Variants in PTPRD observed in about 807,000 individuals in gnomAD.
The protein encoded by PTPRD is protein tyrosine phosphatase receptor type D, also known as receptor-type tyrosine-protein phosphatase delta.
In PTPRD, 34 loss-of-function variants were observed where a neutral mutation model predicts 214.5. That is an observed-to-expected ratio of 0.16 (90% CI 0.12 to 0.21). PTPRD has a LOEUF of 0.21. Among genes scored for constraint, PTPRD ranks in the 10% least tolerant of loss-of-function variants. PTPRD has a pLI of 1.00. For missense variants in PTPRD, 2,545 were observed against 2,398.7 expected (o/e 1.06, Z -1.27); for synonymous variants, 1,128 against 845.7 (o/e 1.33, Z -5.79).
intron 6 of PTPRD, among the ~76,000 whole-genome samples, chr9:9,751,664 C>T (rs1358123263): frequency 6.6e-6 from 1 of 151,998 alleles, no homozygotes; most frequent in Non-Finnish European, 1.5e-5. Flanking sequence ...GTACAAACAT[C>T]ATGTGAAGAT....
chr9:9,266,036 T>A (rs1939401514), intron 9 of PTPRD, among the ~76,000 whole-genome samples: 1 of 151,442 alleles, frequency 6.6e-6, no homozygotes, highest in South Asian at 2.1e-4. Context: ...AATAGATTGA[T>A]AAAGATATTG....
intron 5 of PTPRD, among the ~76,000 whole-genome samples, chr9:9,777,167 C>A (rs1283242889): frequency 6.6e-6 from 1 of 152,132 alleles, no homozygotes; most frequent in Non-Finnish European, 1.5e-5. Flanking sequence ...TACCTCTGGT[C>A]CTCAGATGTT....
intron 11 of PTPRD, among the ~76,000 whole-genome samples, chr9:8,851,751 C>A (rs896213058): frequency 6.6e-6 from 1 of 152,062 alleles, no homozygotes; most frequent in African/African-American, 2.4e-5. Flanking sequence ...TTCATTCCCT[C>A]CATTTTACAG....
chr9:9,689,980 C>T (rs1466521812), intron 7 of PTPRD, among the ~76,000 whole-genome samples: 1 of 151,426 alleles, frequency 6.6e-6, no homozygotes, highest in Non-Finnish European at 1.5e-5. Flanking sequence ...GTATTGATTT[C>T]CTTTCTTTTG....
At chr9:8,764,692 G>C (rs1190444239) in intron 11 of PTPRD, among the ~76,000 whole-genome samples, 1 of 151,970 alleles carries the variant, frequency 6.6e-6, no homozygotes, top group Admixed American at 6.6e-5. Context: ...CTACTCAGGA[G>C]GCTGAGGCAG....
At position 10,395,027 on chromosome 9, in the gene PTPRD, G is replaced by T. The variant is rs552331860; in HGVS notation, c.-599-54010C>A. ...TGCTGCCTGCACTTTATCAATAAAC[G>T]TGTGCTCTCCTACCGCTTGGTAAAT... On this transcript the variant is annotated intron_variant, in intron 2 of 45. Transcript: ENST00000381196. 8.9e-5 allele frequency among the ~76,000 whole-genome samples: 13 copies of T among 145,612 alleles called. No homozygotes were observed. The South Asian group carries it at 2.8e-3, about 31-fold the overall frequency.
Position 9,475,800 on chromosome 9 carries a change from T to A in PTPRD, c.-236-78318A>T, listed in dbSNP as rs12344299. 1.0e-2 allele frequency among the ~76,000 whole-genome samples: 1,521 copies of A among 152,324 alleles called. 18 individuals carry two copies. The highest frequency in any genetic ancestry group is 0.033 in the African/African-American group (1,392 of 41,574). Reference sequence around the variant, plus strand: ...AGGTCACTAAGTCTTGTGTGTGACTTGGCAATCTGAAGTTTCAGCACATAT... The same window carrying A: ...AGGTCACTAAGTCTTGTGTGTGACTAGGCAATCTGAAGTTTCAGCACATAT... On this transcript the variant is annotated intron_variant, in intron 8 of 45. Coordinates refer to ENST00000381196, the MANE Select transcript of PTPRD (RefSeq NM_002839.4).
intron 3 of PTPRD, among the ~76,000 whole-genome samples, chr9:10,211,635 A>T (rs1199570222): frequency 1.3e-5 from 2 of 152,294 alleles, no homozygotes; most frequent in African/African-American, 4.8e-5. Context: ...GAAATTACAT[A>T]ATGTCTTTTG....
At chr9:8,662,139 T>C (rs1181768924) in intron 12 of PTPRD, among the ~76,000 whole-genome samples, 1 of 152,186 alleles carries the variant, frequency 6.6e-6, no homozygotes, top group Non-Finnish European at 1.5e-5. Context: ...CAATAACTTA[T>C]GAGGATTTGA....
At chr9:9,094,880 A>G (rs1260959363) in intron 10 of PTPRD, among the ~76,000 whole-genome samples, 1 of 152,156 alleles carries the variant, frequency 6.6e-6, no homozygotes. Flanking sequence ...AGGAAAATAA[A>G]TCTTTAAACC....
At chr9:9,414,950 T>C (rs1437048627) in intron 8 of PTPRD, 1 of 152,236 alleles carries the variant, frequency 6.6e-6, no homozygotes, top group Non-Finnish European at 1.5e-5. Flanking sequence ...GCTCTGACTT[T>C]AGAAGGGCCA....
chr9:10,470,165 G>A (rs1474330995), intron 2 of PTPRD, among the ~76,000 whole-genome samples: 4 of 152,040 alleles, frequency 2.6e-5, no homozygotes, highest in Non-Finnish European at 5.9e-5. Flanking sequence ...GGTAATGGAT[G>A]TGCTAAATAC....
intron 10 of PTPRD, among the ~76,000 whole-genome samples, chr9:9,123,967 G>A (rs1188992738): frequency 6.6e-6 from 1 of 151,936 alleles, no homozygotes; most frequent in African/African-American, 2.4e-5. Context: ...ATTGACCAGT[G>A]GGCAGCTATT....
At chr9:10,049,118 G>A (rs776197072) in intron 3 of PTPRD, among the ~76,000 whole-genome samples, 3 of 152,086 alleles carry the variant, frequency 2.0e-5, no homozygotes, top group Non-Finnish European at 2.9e-5. Context: ...GAGAAAAAAA[G>A]CAGTGATGTC....
chr9:10,380,144 C>G (rs1030293094), intron 2 of PTPRD, among the ~76,000 whole-genome samples: 3 of 152,038 alleles, frequency 2.0e-5, no homozygotes, highest in Admixed American at 6.6e-5. Flanking sequence ...TTTGATAAAG[C>G]TATTTTGCCA....
At chr9:8,825,641 A>G (rs78745161) in intron 11 of PTPRD, among the ~76,000 whole-genome samples, 16,344 of 152,200 alleles carry the variant, frequency 0.11, 974 homozygotes, top group African/African-American at 0.14. Context: ...CGCAGTGTAA[A>G]GTGAAAGTAA....
rs915499816 is a variant in PTPRD, at chr9:9,396,492, GCTTTTT to G, written c.-203+951_-203+956del. 3.7e-4 allele frequency among the ~76,000 whole-genome samples: 56 copies of G among 151,986 alleles called. No individual in the cohort carries two copies. In the Middle Eastern group the frequency reaches 0.01, roughly 28 times the overall value. On this transcript the variant is annotated intron_variant, in intron 9 of 45. Coordinates refer to ENST00000381196, the MANE Select transcript of PTPRD (RefSeq NM_002839.4). Reference sequence around the variant, plus strand: ...CTTTTAATATTTTTTTCCAACATTTGCTTTTTCTTAAGTCACACCACATACAGCATC... The same window carrying G: ...CTTTTAATATTTTTTTCCAACATTTGCTTAAGTCACACCACATACAGCATC...
intron 5 of PTPRD, among the ~76,000 whole-genome samples, chr9:9,911,475 T>A (rs1601837884): frequency 1.6e-5 from 1 of 63,960 alleles, no homozygotes; most frequent in Non-Finnish European, 2.9e-5. Flanking sequence ...TACCATTTGT[T>A]ATGGTTTGGG....
chr9:9,842,215 C>T (rs2058494072), intron 5 of PTPRD, among the ~76,000 whole-genome samples: 1 of 150,888 alleles, frequency 6.6e-6, no homozygotes, highest in East Asian at 1.9e-4. Flanking sequence ...TTGGAACCAA[C>T]ACACTTATGG....
Sources: gnomAD v4.1 joint callset for allele counts (sites outside exome capture counted in the v4.1 genomes callset) on GRCh38, gnomAD v4.1.1 for gene constraint, MANE v1.5 for transcripts, NCBI Gene and HGNC (gene_info 2026-07-23, HGNC 2026-07-21) for gene names.